The following MELK variants were observed in gnomAD, a reference collection of about 807,000 sequenced individuals.
MELK encodes the protein maternal embryonic leucine zipper kinase, also known as pEg3 kinase.
A neutral mutation model predicts 85.0 loss-of-function variants in MELK; 81 were observed. The ratio of observed to expected loss-of-function variants is 0.95; its 90% confidence interval spans 0.80 to 1.15. The LOEUF (loss-of-function observed/expected upper bound fraction) is 1.15, where lower values mean the gene tolerates loss of function less well. MELK is among the 50% of genes most tolerant of loss of function. The pLI is 0.00. For synonymous variants in MELK, 252 were observed against 265.0 expected (o/e 0.95, Z 0.48); for missense variants, 754 against 777.5 (o/e 0.97, Z 0.36).
At chr9:36,659,657 C>T (rs879705954) in intron 13 of MELK, among the ~76,000 whole-genome samples, 8 of 152,132 alleles carry the variant, frequency 5.3e-5, no homozygotes, top group South Asian at 2.1e-4. Context: ...GTCTTTGTGC[C>T]GGCTCTGTGT....
chr9:36,632,138 T>C (rs951734882), intron 9 of MELK, among the ~76,000 whole-genome samples: 3 of 152,220 alleles, frequency 2.0e-5, no homozygotes, highest in Non-Finnish European at 2.9e-5. Flanking sequence ...CCCCAGAGTG[T>C]GTAATTCAAT....
intron 3 of MELK, among the ~76,000 whole-genome samples, 155 bp downstream of exon 3, chr9:36,583,867 G>T (rs1045606580): frequency 6.6e-6 from 1 of 152,154 alleles, no homozygotes; most frequent in African/African-American, 2.4e-5. Flanking sequence ...AGTAATCTGG[G>T]GGAAGGGATT....
At chr9:36,657,683 C>T (rs1265675067) in intron 13 of MELK, among the ~76,000 whole-genome samples, 1 of 152,142 alleles carries the variant, frequency 6.6e-6, no homozygotes, top group Non-Finnish European at 1.5e-5. Context: ...CTCTGCCTCC[C>T]AGGTTCAAGT....
chr9:36,575,131 TCAAAAA>T (rs968354625), intron 1 of MELK, among the ~76,000 whole-genome samples: 63 of 152,186 alleles, frequency 4.1e-4, no homozygotes, highest in African/African-American at 1.4e-3. Context: ...AGACTCCGTC[TCAAAAA>T]CAAAAACAAA....
intron 1 of MELK, among the ~76,000 whole-genome samples, chr9:36,575,804 T>G (rs1278336184): frequency 6.6e-6 from 1 of 152,210 alleles, no homozygotes; most frequent in Non-Finnish European, 1.5e-5. Flanking sequence ...TTTCTCTTTC[T>G]GAGTGACAAT....
Position 36,583,707 on chromosome 9 carries a change from CTA to C in MELK, c.140_141del (p.Leu47ArgfsTer3). 5 of 1,602,700 alleles carry C rather than the reference CTA, an allele frequency of 3.1e-6. No individual in the cohort carries two copies. The highest frequency in any genetic ancestry group is 2.2e-5 in the East Asian group (1 of 44,748). On this transcript the variant is annotated frameshift_variant, in exon 3 of 18. Transcript: ENST00000298048. LOFTEE classifies it high-confidence loss of function. ...VAIKIMDKNT[L>X]GSDLPRIKTE... ...TATAAAAATCATGGATAAAAACACACTAGGGGTAAGTTTAGATTTATTTAAAA... is the reference window on the plus strand; with the variant it reads ...TATAAAAATCATGGATAAAAACACACGGGGTAAGTTTAGATTTATTTAAAA...
intron 8 of MELK, among the ~76,000 whole-genome samples, chr9:36,615,705 A>G (rs1480102771): frequency 2.2e-5 from 3 of 136,288 alleles, no homozygotes; most frequent in Admixed American, 1.4e-4. Context: ...GGCGCTCCTC[A>G]CATCCCAGAT....
chr9:36,617,886 G>T (rs1827005826), intron 8 of MELK, among the ~76,000 whole-genome samples: 1 of 152,146 alleles, frequency 6.6e-6, no homozygotes, highest in African/African-American at 2.4e-5. Flanking sequence ...AGCACTTTGG[G>T]GGGCTGAGTT....
intron 10 of MELK, among the ~76,000 whole-genome samples, 176 bp from the exon 11 acceptor site, chr9:36,642,821 A>G (rs951385502): frequency 2.0e-5 from 3 of 152,162 alleles, no homozygotes; most frequent in African/African-American, 7.2e-5. Flanking sequence ...TTGCTGGAAT[A>G]TGCTTACTTC....
chr9:36,630,262 A>G, intron 8 of MELK, 37 bp from the exon 9 acceptor site: 1 of 1,528,898 alleles, frequency 6.5e-7, no homozygotes, highest in Non-Finnish European at 9.1e-7. Flanking sequence ...GTCAAGGCTG[A>G]TTGAACCTGA....
chr9:36,675,048 G>A, intron 17 of MELK, 111 bp downstream of exon 17: 1 of 641,290 alleles, frequency 1.6e-6, no homozygotes, highest in Non-Finnish European at 2.7e-6. Context: ...CACTTTGGGA[G>A]GCTGAGGTGG....
At chr9:36,656,802 G>A (rs575735874) in intron 12 of MELK, among the ~76,000 whole-genome samples, 1 of 152,220 alleles carries the variant, frequency 6.6e-6, no homozygotes, top group South Asian at 2.1e-4. Flanking sequence ...ATTTTTTGTA[G>A]AGATGGGGTT....
intron 2 of MELK, among the ~76,000 whole-genome samples, chr9:36,582,559 GTATAACATA>G (rs1407776362): frequency 6.6e-6 from 1 of 152,096 alleles, no homozygotes; most frequent in Non-Finnish European, 1.5e-5. Flanking sequence ...TTTTATTAAG[GTATAACATA>G]TAGTAAAATA....
At chr9:36,668,840 G>A (rs1035238114) in intron 14 of MELK, among the ~76,000 whole-genome samples, 1 of 152,156 alleles carries the variant, frequency 6.6e-6, no homozygotes, top group Non-Finnish European at 1.5e-5. Flanking sequence ...AATAACTTAT[G>A]TCAAGCTTTC....
intron 8 of MELK, among the ~76,000 whole-genome samples, chr9:36,608,386 T>G (rs1444265418): frequency 6.6e-6 from 1 of 150,968 alleles, no homozygotes; most frequent in Non-Finnish European, 1.5e-5. Context: ...TTATTCTGCC[T>G]AATGTATAAA....
intron 17 of MELK, among the ~76,000 whole-genome samples, chr9:36,675,312 C>T (rs915127840): frequency 1.3e-5 from 2 of 152,148 alleles, no homozygotes; most frequent in South Asian, 2.1e-4. Context: ...AAGTTGATCT[C>T]CTCACCCCTG....
chr9:36,650,748 A>G (rs1830630061), intron 11 of MELK, among the ~76,000 whole-genome samples: 1 of 152,256 alleles, frequency 6.6e-6, no homozygotes, highest in Non-Finnish European at 1.5e-5. Context: ...AACTGGGGCT[A>G]CATTGTAAGA....
chr9:36,670,971 T>A, intron 15 of MELK, 27 bp from the exon 16 acceptor site: 1 of 1,589,098 alleles, frequency 6.3e-7, no homozygotes, highest in Non-Finnish European at 8.5e-7. Flanking sequence ...CAGCTCTACT[T>A]GTGCCTTGTT....
chr9:36,599,376 T>C lies in MELK; in HGVS notation c.475-18T>C, dbSNP rs774694734. The C allele has an allele frequency of 3.2e-6, 5 of 1,546,622 alleles. No individual in the cohort carries two copies. In the South Asian group the frequency reaches 5.6e-5, roughly 17 times the overall value. On this transcript the variant is annotated intron_variant, in intron 6 of 17. Transcript: ENST00000298048. ...TAAGCGTTGTAATTAATAAGTTTCATTTTTATCTTATTGGCAGGGTAACAA... is the reference window on the plus strand; with the variant it reads ...TAAGCGTTGTAATTAATAAGTTTCACTTTTATCTTATTGGCAGGGTAACAA...
Sources: allele counts gnomAD v4.1 joint callset (sites outside exome capture counted in the v4.1 genomes callset), GRCh38; gene constraint gnomAD v4.1.1; transcripts MANE v1.5; gene names NCBI Gene and HGNC (gene_info 2026-07-23, HGNC 2026-07-21).